Variants in KIF19 observed in about 807,000 individuals in gnomAD.
The protein encoded by KIF19 is kinesin-like protein KIF19.
KIF19 carries 98 observed loss-of-function variants against 106.6 expected under a neutral mutation model. The observed-to-expected ratio is 0.92, with a 90% confidence interval of 0.78 to 1.09. KIF19 has a LOEUF of 1.09. Among genes scored for constraint, KIF19 ranks in the 50% least tolerant of loss-of-function variants. KIF19 has a pLI of 0.00. For synonymous variants in KIF19, 516 were observed against 584.2 expected, an observed-to-expected ratio of 0.88 and a Z score of 1.68; for missense variants, 1,373 against 1,414.3, an observed-to-expected ratio of 0.97 and a Z score of 0.47.
At chr17:74,328,804 G>A (rs945707385) in intron 2 of KIF19, 25 of 300,078 alleles carry the variant, frequency 8.3e-5, no homozygotes, top group African/African-American at 4.3e-4. Context: ...GCTGCCCACA[G>A]AGCACATATA....
intron 5 of KIF19, among the ~76,000 whole-genome samples, chr17:74,343,932 C>T (rs1037016921): frequency 6.6e-6 from 1 of 152,148 alleles, no homozygotes; most frequent in Non-Finnish European, 1.5e-5. Flanking sequence ...GATTCACACT[C>T]AGGACCCTGC....
chr17:74,349,756 T>G (rs1338484300), intron 10 of KIF19, among the ~76,000 whole-genome samples: 1 of 152,078 alleles, frequency 6.6e-6, no homozygotes, highest in African/African-American at 2.4e-5. Flanking sequence ...AAAGCTTTTT[T>G]TAAAAAAAAA....
At chr17:74,327,366 G>A (rs891811813) in intron 1 of KIF19, among the ~76,000 whole-genome samples, 8 of 152,330 alleles carry the variant, frequency 5.3e-5, no homozygotes, top group Non-Finnish European at 1.0e-4. Flanking sequence ...TGTGTGCCCC[G>A]GGGAGCAGGG....
chr17:74,348,520 G>A (rs1430696900), intron 9 of KIF19: 1 of 161,150 alleles, frequency 6.2e-6, no homozygotes, highest in East Asian at 1.8e-4. Flanking sequence ...ATGGATTCAT[G>A]TATGATAGCA....
At position 74,346,912 on chromosome 17, in the gene KIF19, G is replaced by A. The variant is rs749523099; in HGVS notation, c.924+388G>A. Among the ~76,000 whole-genome samples the A allele has an allele frequency of 6.6e-6, 1 of 152,122 alleles. No individual in the cohort carries two copies. Among genetic ancestry groups the A allele is most frequent in the African/African-American group, 2.4e-5 (1 of 41,420 alleles). ...GGGGTGGCCTCCTTTGTGCAGGGGTGTCCTTGGCCTTAAATTATAGCAGCA... is the reference window on the plus strand; with the variant it reads ...GGGGTGGCCTCCTTTGTGCAGGGGTATCCTTGGCCTTAAATTATAGCAGCA... On this transcript the variant is annotated intron_variant, in intron 8 of 19. Coordinates refer to ENST00000389916, the MANE Select transcript of KIF19 (RefSeq NM_153209.4). The surrounding 1 kb of genome is among the most constrained non-coding windows in gnomAD (Gnocchi z 4.6).
At chr17:74,352,764 C>A in intron 14 of KIF19, 57 bp from the exon 15 acceptor site, 1 of 1,604,242 alleles carries the variant, frequency 6.2e-7, no homozygotes, top group Non-Finnish European at 8.5e-7. Flanking sequence ...TGACTCTGTG[C>A]TGATTTGGTC....
intron 2 of KIF19, 142 bp from the exon 3 acceptor site, chr17:74,341,734 C>T (rs971316656): frequency 2.3e-5 from 15 of 646,092 alleles, no homozygotes; most frequent in African/African-American, 1.3e-4. Flanking sequence ...CCTGAGGCGA[C>T]GAGGGCTAGA....
chr17:74,344,495 G>T, intron 6 of KIF19, 147 bp downstream of exon 6: 5 of 1,260,834 alleles, frequency 4.0e-6, no homozygotes, highest in Non-Finnish European at 5.5e-6. Flanking sequence ...GCAAGGAGGG[G>T]ACTCACACCT....
At chr17:74,349,801 A>ATTT (rs35461410) in intron 10 of KIF19, among the ~76,000 whole-genome samples, 1 of 146,536 alleles carries the variant, frequency 6.8e-6, no homozygotes, top group Non-Finnish European at 1.5e-5. Context: ...GACAGTAAAG[A>ATTT]TTTTTTTTTT....
chr17:74,349,327 G>A lies in KIF19; in HGVS notation c.1191G>A (p.Arg397=). 6.2e-7 allele frequency: 1 copy of A among 1,605,770 alleles called. No individual in the cohort carries two copies. Among genetic ancestry groups the A allele is most frequent in the Non-Finnish European group, 8.5e-7 (1 of 1,176,428 alleles). ...GCCAGGCCCGGGGCCGGCAGGATCGGGGTGACATCCGCCACATCCAAGGTG... is the reference window on the plus strand; with the variant it reads ...GCCAGGCCCGGGGCCGGCAGGATCGAGGTGACATCCGCCACATCCAAGGTG... ...GRGQARGRQD[R]GDIRHIQAEV... The change falls in exon 10 of 20, where the codon CGG becomes CGA. Residue 397 remains arginine (R), a synonymous_variant. Coordinates refer to ENST00000389916, the MANE Select transcript of KIF19 (RefSeq NM_153209.4).
chr17:74,342,086 C>A, intron 3 of KIF19, 100 bp downstream of exon 3: 1 of 805,858 alleles, frequency 1.2e-6, no homozygotes, highest in Non-Finnish European at 2.1e-6. Context: ...GAACCTCAGC[C>A]TCCACTCCAC....
rs952875372 is a variant in KIF19, at chr17:74,349,220, G to A, written c.1084G>A (p.Ala362Thr). 1.4e-5 allele frequency: 22 copies of A among 1,613,658 alleles called. No homozygotes were observed. Among genetic ancestry groups the A allele is most frequent in the Admixed American group, 6.7e-5 (4 of 59,988 alleles). ...QNLLNVSYHI[A>T]QYTSIIADLR... The stretch of plus-strand genomic sequence containing the variant: ...CCTCCTGAACGTCTCCTACCACATC[G>A]CCCAGTACACCAGCATCATCGCTGA... The change falls in exon 10 of 20, where the codon GCC (alanine) becomes ACC (threonine). Residue 362 changes from alanine to threonine, a missense_variant. By Grantham distance (58) the Ala-to-Thr change is moderately conservative (BLOSUM62 0). Around this residue, in one of 3 missense-constraint regions of KIF19, gnomAD observed 1,020 missense variants for 1,008.2 expected, o/e 1.01. Coordinates refer to ENST00000389916, the MANE Select transcript of KIF19 (RefSeq NM_153209.4).
chr17:74,340,054 A>G (rs1262517864), intron 2 of KIF19, among the ~76,000 whole-genome samples: 1 of 152,158 alleles, frequency 6.6e-6, no homozygotes, highest in African/African-American at 2.4e-5. Flanking sequence ...GTGCCCAAGC[A>G]CATTACACGT....
chr17:74,342,988 C>T, intron 4 of KIF19, 36 bp from the exon 5 acceptor site: 1 of 1,564,116 alleles, frequency 6.4e-7, no homozygotes, highest in Non-Finnish European at 8.6e-7. Flanking sequence ...CCCTCCCAGC[C>T]CCACCCCGGT....
intron 2 of KIF19, among the ~76,000 whole-genome samples, chr17:74,340,546 T>TGCGC (rs138403310): frequency 6.5e-4 from 3 of 4,608 alleles, no homozygotes; most frequent in Middle Eastern, 0.12. Flanking sequence ...CCAGCAGGTA[T>TGCGC]GCGCGCGCGT....
rs2054817901 is a variant in KIF19 at position 74,354,434 on chromosome 17, C to G, written c.2581C>G (p.His861Asp). The G allele has an allele frequency of 2.5e-6, 4 of 1,611,068 alleles. No homozygotes were observed. The highest frequency in any genetic ancestry group is 3.4e-6 in the Non-Finnish European group (4 of 1,179,182). The change falls in exon 18 of 20, where the codon CAT becomes GAT. Residue 861 changes from histidine (H) to aspartate (D), a missense_variant. Physicochemically the swap from His to Asp is moderately conservative, Grantham distance 81. This residue lies in a region of KIF19 where 1,020 missense variants were observed against 1,008.2 expected (regional missense o/e 1.01). Coordinates refer to ENST00000389916, the MANE Select transcript of KIF19 (RefSeq NM_153209.4). The stretch of plus-strand genomic sequence containing the variant: ...GGCCCCGTCCCGGGCAGTCGGACAT[C>G]ATGGGGACGGCCCCAGGCCCTGGCT... ...GEAPSRAVGH[H>D]GDGPRPWLRG...
intron 11 of KIF19, 23 bp from the exon 12 acceptor site, chr17:74,350,684 C>T: frequency 6.2e-7 from 1 of 1,613,124 alleles, no homozygotes; most frequent in Non-Finnish European, 8.5e-7. Flanking sequence ...AATGCCCTGT[C>T]TCTCTGGGTG....
At chr17:74,341,191 C>T (rs1026441766) in intron 2 of KIF19, among the ~76,000 whole-genome samples, 2 of 152,118 alleles carry the variant, frequency 1.3e-5, no homozygotes, top group African/African-American at 4.8e-5. Context: ...AGGTGGCACA[C>T]GCCTGTAGTC....
rs752318903 is a variant in KIF19 at position 74,350,421 on chromosome 17, G to T, written c.1234G>T (p.Gly412Trp). The T allele has an allele frequency of 1.2e-6, 2 of 1,603,880 alleles. No homozygotes were observed. Among genetic ancestry groups the T allele is most frequent in the East Asian group, 2.2e-5 (1 of 44,484 alleles). Residue 412 changes from glycine to tryptophan, a missense_variant, in exon 11 of 20, where the codon GGG becomes TGG. This residue lies in a region of KIF19 where 1,020 missense variants were observed against 1,008.2 expected (regional missense o/e 1.01). Coordinates refer to ENST00000389916, the MANE Select transcript of KIF19 (RefSeq NM_153209.4). ...HIQAEVQLHS[G>W]QGEKAGMGQL... ...GGCAGCTGAGGTCCAGCTGCACAGC[G>T]GGCAGGGTGAGAAGGCTGGCATGGG... is the stretch of plus-strand genomic sequence containing the variant.
Sources: gnomAD v4.1 joint callset for allele counts (sites outside exome capture counted in the v4.1 genomes callset) on GRCh38, gnomAD v4.1.1 for gene constraint, gnomAD v4.1.1 regional missense constraint, Gnocchi (gnomAD v3.1) non-coding constraint, MANE v1.5 for transcripts, NCBI Gene and HGNC (gene_info 2026-07-23, HGNC 2026-07-21) for gene names.